Variants in RUVBL2 observed in about 807,000 individuals in gnomAD.
RUVBL2 encodes the protein RuvB like AAA ATPase 2, also known as ruvB-like 2.
In RUVBL2, 9 loss-of-function variants were observed where a neutral mutation model predicts 57.9. The observed-to-expected ratio is 0.16, with a 90% CI of 0.09 to 0.27. The LOEUF is 0.27. Ranked by LOEUF, RUVBL2 falls within the 10% of genes least tolerant of loss-of-function variation. The probability of loss-of-function intolerance (pLI) is 1.00; values close to 1 mark genes in which losing one functional copy is unlikely to be tolerated. For synonymous variants in RUVBL2, 278 were observed against 264.6 expected, an observed-to-expected ratio of 1.05 and a Z score of -0.49; for missense variants, 456 against 669.6, an observed-to-expected ratio of 0.68 and a Z score of 3.52.
chr19:49,010,264 C>G, intron 8 of RUVBL2, 198 bp downstream of exon 8: 1 of 692,890 alleles, frequency 1.4e-6, no homozygotes, highest in South Asian at 1.8e-5. Context: ...CCACATGTGG[C>G]CTGTGGCTTC....
intron 11 of RUVBL2, among the ~76,000 whole-genome samples, chr19:49,013,264 ATT>A (rs776153588): frequency 1.0e-4 from 14 of 134,268 alleles, no homozygotes; most frequent in African/African-American, 8.3e-5. Context: ...GTCCGGCCTA[ATT>A]TTTTTTTTTT....
rs769360139 is a variant in RUVBL2, at chr19:49,007,115, G to A, written c.363G>A (p.Gln121=). 26 of 1,613,196 alleles carry A rather than the reference G, an allele frequency of 1.6e-5. No homozygotes were observed. The African/African-American group carries it at 2.4e-4, about 15-fold the overall frequency. ...LEMSKTEALT[Q]AFRRSIGVRI... is the part of the protein sequence containing the mutation. ...TGAGCAAGACCGAGGCGCTGACGCA[G>A]GCCTTCCGGCGGTCCATCGGCGTTC... The change falls in exon 5 of 15, where the codon CAG becomes CAA. Residue 121 remains glutamine (Q), a synonymous_variant. Coordinates refer to ENST00000595090, the MANE Select transcript of RUVBL2 (RefSeq NM_006666.3).
At chr19:48,993,790 T>C, upstream of RUVBL2, 2 of 1,331,484 alleles carry the variant, frequency 1.5e-6, no homozygotes, top group African/African-American at 1.4e-5. Context: ...GCCCCCACAA[T>C]ATTTACATAT....
chr19:49,014,044 A>G (rs900465682), intron 11 of RUVBL2, among the ~76,000 whole-genome samples: 1 of 152,276 alleles, frequency 6.6e-6, no homozygotes, highest in African/African-American at 2.4e-5. Flanking sequence ...CAGTAGGAGC[A>G]GTGGCTCAGG....
At chr19:49,010,462 GTTCT>G in intron 8 of RUVBL2, 22 bp from the exon 9 acceptor site, 1 of 1,561,650 alleles carries the variant, frequency 6.4e-7, no homozygotes, top group Non-Finnish European at 8.8e-7. Context: ...TGTCTCCGCC[GTTCT>G]TCCCCCACCC....
Position 49,010,566 on chromosome 19 carries a change from G to A in RUVBL2, c.742G>A (p.Asp248Asn), listed in dbSNP as rs1419643133. Reference sequence around the variant, plus strand: ...GCACACCGTGTCCCTGCACGAGATCGACGTCATCAACTCTCGCACCCAGGG... The same window carrying A: ...GCACACCGTGTCCCTGCACGAGATCAACGTCATCAACTCTCGCACCCAGGG... ...VVHTVSLHEI[D>N]VINSRTQGFL... The change falls in exon 9 of 15, where the codon GAC becomes AAC. Residue 248 changes from aspartate to asparagine, a missense_variant. By Grantham distance (23) the Asp-to-Asn change is conservative. Coordinates refer to ENST00000595090, the MANE Select transcript of RUVBL2 (RefSeq NM_006666.3). The A allele has an allele frequency of 3.1e-6, 5 of 1,594,162 alleles. No homozygotes were observed. Among genetic ancestry groups the A allele is most frequent in the South Asian group, 1.1e-5 (1 of 90,766 alleles).
At position 49,011,411 on chromosome 19, in the gene RUVBL2, G is replaced by A; in HGVS notation, c.1001+101G>A. ...CCTGTGTTGACACCGGGTCAGGGAG[G>A]GACGCGTGACTGCAGTGTGCGCTCT... On this transcript the variant is annotated intron_variant, in intron 11 of 14. Coordinates refer to ENST00000595090, the MANE Select transcript of RUVBL2 (RefSeq NM_006666.3). This position sits in a 1 kb window ranked among gnomAD's most constrained non-coding sequence, Gnocchi z 4.4. The A allele has an allele frequency of 1.1e-5, 10 of 939,712 alleles. No individual in the cohort carries two copies. Among genetic ancestry groups the A allele is most frequent in the Non-Finnish European group, 1.7e-5 (10 of 592,508 alleles). 58.2% of individuals were successfully genotyped at this position (939,712 alleles called of 1,614,324 possible).
chr19:48,999,508 A>C (rs933095663), intron 2 of RUVBL2, 135 bp downstream of exon 2: 1 of 853,610 alleles, frequency 1.2e-6, no homozygotes, highest in African/African-American at 1.7e-5. Context: ...CCATTCCCCC[A>C]CTCGCCCTAT....
chr19:49,013,260 C>G (rs1336841058), intron 11 of RUVBL2, among the ~76,000 whole-genome samples: 1 of 151,656 alleles, frequency 6.6e-6, no homozygotes, highest in Admixed American at 6.6e-5. Context: ...CCGCGTCCGG[C>G]CTAATTTTTT....
In RUVBL2 at chr19:49,010,482, C is replaced by CCCCCCACCAA; in HGVS notation, c.664-5_664-4insCCCCACCAAC. ...CCGCCGTTCTTCCCCCACCCCCGCC[C>CCCCCCACCAA]CATAGACCAAGTTCGTGCAGTGCCC... On this transcript the variant is annotated splice_polypyrimidine_tract_variant and splice_region_variant and intron_variant, in intron 8 of 14. Coordinates refer to ENST00000595090, the MANE Select transcript of RUVBL2 (RefSeq NM_006666.3). 4 of 1,605,456 alleles carry CCCCCCACCAA rather than the reference C, an allele frequency of 2.5e-6. No homozygotes were observed. The highest frequency in any genetic ancestry group is 3.4e-6 in the Non-Finnish European group (4 of 1,173,096).
chr19:49,011,081 G>A lies in RUVBL2; in HGVS notation c.870G>A (p.Glu290=), dbSNP rs1201127407. The change falls in exon 10 of 15, where the codon GAG becomes GAA. Residue 290 remains glutamate, a synonymous_variant. Coordinates refer to ENST00000595090, the MANE Select transcript of RUVBL2 (RefSeq NM_006666.3). This position sits in a 1 kb window ranked among gnomAD's most constrained non-coding sequence, Gnocchi z 4.4. ...VAEWREEGKA[E]IIPGVLFIDE... ...AGTGGCGCGAGGAGGGCAAGGCGGA[G>A]ATCATCCCTGGAGTGAGGACCCAGG... The A allele has an allele frequency of 3.2e-6, 5 of 1,564,292 alleles. No individual in the cohort carries two copies. Among genetic ancestry groups the A allele is most frequent in the African/African-American group, 1.4e-5 (1 of 72,918 alleles).
rs149141490 is a variant in RUVBL2, at chr19:49,003,765, C to T, written c.123+431C>T. Among the ~76,000 whole-genome samples, 1,222 of 148,128 alleles carry T rather than the reference C, an allele frequency of 8.2e-3. 20 individuals are homozygous for T. The highest frequency in any genetic ancestry group is 0.029 in the African/African-American group (1,150 of 40,058). ...TGCCACTGCCCTCCAGCCTGGGTGA[C>T]ATCTCGGAAAAAAAAAAAAAGAATT... On this transcript the variant is annotated intron_variant, in intron 3 of 14. Transcript: ENST00000595090.
At position 49,014,560 on chromosome 19, in the gene RUVBL2, A is replaced by G. The variant is rs1201884787; in HGVS notation, c.1078A>G (p.Thr360Ala). 1.2e-6 allele frequency: 2 copies of G among 1,613,912 alleles called. No homozygotes were observed. Among genetic ancestry groups the G allele is most frequent in the Non-Finnish European group, 1.7e-6 (2 of 1,179,974 alleles). ...GGACCGGCTGCTTATCGTCTCCACC[A>G]CCCCCTACAGCGAGAAAGACACGAA... ...LLDRLLIVST[T>A]PYSEKDTKQI... Residue 360 changes from threonine to alanine, a missense_variant, in exon 12 of 15, where the codon ACC (threonine) becomes GCC (alanine). Thr to Ala is a moderately conservative substitution (Grantham distance 58). This residue lies in a region of RUVBL2 where 130 missense variants were observed against 243.0 expected (regional missense o/e 0.53). Coordinates refer to ENST00000595090, the MANE Select transcript of RUVBL2 (RefSeq NM_006666.3).
chr19:49,009,951 C>G lies in RUVBL2; in HGVS notation c.570-22C>G, dbSNP rs745911115. The stretch of plus-strand genomic sequence containing the variant: ...AGCTTGGGCCCATTCCTTTCCTTAC[C>G]CTACCCCCCATCCCCCTGTAGGGAC... On this transcript the variant is annotated intron_variant, in intron 7 of 14. Transcript: ENST00000595090. 3 of 1,609,560 alleles carry G rather than the reference C, an allele frequency of 1.9e-6. No individual in the cohort carries two copies. In the South Asian group the frequency reaches 3.3e-5, roughly 18 times the overall value.
At chr19:49,009,620 C>G (rs111457505) in intron 6 of RUVBL2, among the ~76,000 whole-genome samples, 156 bp from the exon 7 acceptor site, 1 of 152,184 alleles carries the variant, frequency 6.6e-6, no homozygotes, top group Non-Finnish European at 1.5e-5. Flanking sequence ...GTGAGCGCAC[C>G]GTATGTCTTC....
At chr19:48,995,848 G>C (rs534388010) in intron 1 of RUVBL2, among the ~76,000 whole-genome samples, 1 of 151,940 alleles carries the variant, frequency 6.6e-6, no homozygotes, top group Non-Finnish European at 1.5e-5. Flanking sequence ...TTAGCCGGGC[G>C]TGGTGGCACA....
intron 7 of RUVBL2, 43 bp from the exon 8 acceptor site, chr19:49,009,930 T>C (rs368210481): frequency 1.6e-5 from 25 of 1,611,586 alleles, no homozygotes; most frequent in Non-Finnish European, 2.1e-5. Context: ...TGGGCGAGCT[T>C]GGGCCCATTC....
chr19:49,010,080 T>C lies in RUVBL2; in HGVS notation c.663+14T>C. On this transcript the variant is annotated intron_variant, in intron 8 of 14. Coordinates refer to ENST00000595090, the MANE Select transcript of RUVBL2 (RefSeq NM_006666.3). ...ATGGGCTCCCAGGTGCGGCCGGGAC[T>C]CCCGGGATCCCCTCGCCCCCAGCAC... 6.2e-7 allele frequency: 1 copy of C among 1,605,294 alleles called. No homozygotes were observed. Among genetic ancestry groups the C allele is most frequent in the Non-Finnish European group, 8.5e-7 (1 of 1,176,384 alleles).
At chr19:49,007,577 G>A (rs1392788822) in intron 6 of RUVBL2, among the ~76,000 whole-genome samples, 6 of 152,160 alleles carry the variant, frequency 3.9e-5, no homozygotes, top group Non-Finnish European at 2.9e-5. Flanking sequence ...AAACTGAGGC[G>A]GTAAAATAAT....
Sources: gnomAD v4.1 joint callset for allele counts (sites outside exome capture counted in the v4.1 genomes callset) on GRCh38, gnomAD v4.1.1 for gene constraint, gnomAD v4.1.1 regional missense constraint, Gnocchi (gnomAD v3.1) non-coding constraint, MANE v1.5 for transcripts, NCBI Gene and HGNC (gene_info 2026-07-23, HGNC 2026-07-21) for gene names.